GLYAT: variants seen among roughly 807,000 people sequenced by gnomAD.
GLYAT encodes the protein glycine-N-acyltransferase.
GLYAT carries 25 observed loss-of-function variants against 22.8 expected under a neutral mutation model. The ratio of observed to expected loss-of-function variants is 1.09; its 90% CI spans 0.80 to 1.53. The LOEUF (loss-of-function observed/expected upper bound fraction) is 1.53. GLYAT is among the 40% of genes most tolerant of loss of function. The pLI, the probability that GLYAT is intolerant of heterozygous loss-of-function variation, is 0.00. For missense variants in GLYAT, 411 were observed against 353.9 expected, an observed-to-expected ratio of 1.16 and a Z score of -1.29; for synonymous variants, 140 against 122.7, an observed-to-expected ratio of 1.14 and a Z score of -0.93.
At chr11:58,710,884 C>T (rs553611545) in intron 4 of GLYAT, 123 bp from the exon 5 acceptor site, 5 of 640,688 alleles carry the variant, frequency 7.8e-6, no homozygotes, top group South Asian at 7.8e-5. Context: ...TTGGTGCTAC[C>T]ACTGTGTGAC....
chr11:58,713,270 T>C (rs574273692), intron 3 of GLYAT, among the ~76,000 whole-genome samples: 9 of 152,274 alleles, frequency 5.9e-5, no homozygotes, highest in African/African-American at 1.9e-4. Flanking sequence ...TTCTGAATTC[T>C]TTAAATAATG....
chr11:58,712,730 G>A, intron 4 of GLYAT, 30 bp downstream of exon 4: 6 of 1,605,594 alleles, frequency 3.7e-6, no homozygotes, highest in Non-Finnish European at 4.3e-6. Flanking sequence ...ACATAAGTGA[G>A]TCAGCACACA....
intron 3 of GLYAT, among the ~76,000 whole-genome samples, 165 bp downstream of exon 3, chr11:58,715,151 G>T (rs956632507): frequency 6.6e-6 from 1 of 151,928 alleles, no homozygotes; most frequent in South Asian, 2.1e-4. Flanking sequence ...ACACTTTATT[G>T]GTTGATCTAT....
intron 2 of GLYAT, among the ~76,000 whole-genome samples, chr11:58,722,206 T>A (rs1262448238): frequency 1.3e-5 from 2 of 152,012 alleles, no homozygotes; most frequent in Non-Finnish European, 2.9e-5. Flanking sequence ...CAAGCACCGA[T>A]AGGAGATTTG....
intron 1 of GLYAT, among the ~76,000 whole-genome samples, chr11:58,725,457 A>C (rs997536432): frequency 6.6e-6 from 1 of 152,160 alleles, no homozygotes; most frequent in Non-Finnish European, 1.5e-5. Context: ...TAGGGCTATG[A>C]GAGAGTGTTG....
intron 1 of GLYAT, among the ~76,000 whole-genome samples, chr11:58,726,341 G>C (rs1193276424): frequency 1.3e-5 from 2 of 152,082 alleles, no homozygotes; most frequent in African/African-American, 4.8e-5. Flanking sequence ...GCTGACAGAG[G>C]GGTAGTAGTG....
chr11:58,715,480 T>A, intron 2 of GLYAT, 57 bp from the exon 3 acceptor site: 1 of 788,274 alleles, frequency 1.3e-6, no homozygotes, highest in Non-Finnish European at 2.2e-6. Context: ...CAGTAAAGTT[T>A]CTTGCTTGAT....
chr11:58,724,102 C>T (rs1856784572), intron 2 of GLYAT: 2 of 218,870 alleles, frequency 9.1e-6, no homozygotes, highest in Non-Finnish European at 1.8e-5. Context: ...TGGAAAGGAG[C>T]AAGGAAGTAA....
chr11:58,728,892 A>AAGAAAGAAAGAC, intron 1 of GLYAT, among the ~76,000 whole-genome samples: 1 of 89,198 alleles, frequency 1.1e-5, no homozygotes, highest in South Asian at 4.6e-4. Context: ...GAAAGAAAGA[A>AAGAAAGAAAGAC]GGAAGGAAGG....
chr11:58,715,494 G>A (rs183838287), intron 2 of GLYAT, 71 bp from the exon 3 acceptor site: 126 of 704,978 alleles, frequency 1.8e-4, no homozygotes, highest in Admixed American at 4.2e-4. Context: ...GCTTGATTAG[G>A]ACAAAAATTA....
intron 2 of GLYAT, among the ~76,000 whole-genome samples, chr11:58,718,842 A>G (rs570011815): frequency 6.6e-6 from 1 of 152,172 alleles, no homozygotes; most frequent in East Asian, 1.9e-4. Flanking sequence ...ACAATTGACA[A>G]GAAAATTTAT....
chr11:58,717,422 G>A (rs538468118), intron 2 of GLYAT, among the ~76,000 whole-genome samples: 1 of 151,958 alleles, frequency 6.6e-6, no homozygotes, highest in Non-Finnish European at 1.5e-5. Flanking sequence ...TTAATAGGCA[G>A]GTATGAAAGT....
In GLYAT at chr11:58,724,603, T is replaced by G. The variant is rs1000098982; in HGVS notation, c.-15-92A>C. On this transcript the variant is annotated intron_variant, in intron 1 of 5. Coordinates refer to ENST00000344743, the MANE Select transcript of GLYAT (RefSeq NM_201648.3). ...CAAGTTCTTTATTAATGACCAGGTT[T>G]TTTTTTTTTAGTGCCTTTCAACTGC... 17 of 326,300 alleles carry G rather than the reference T, an allele frequency of 5.2e-5. No homozygotes were observed. The African/African-American group carries it at 1.6e-3, about 30-fold the overall frequency. 20.2% of individuals were successfully genotyped at this position (326,300 alleles called of 1,614,324 possible).
At chr11:58,710,939 G>GACTTC (rs1856608418) in intron 4 of GLYAT, among the ~76,000 whole-genome samples, 178 bp from the exon 5 acceptor site, 2 of 152,258 alleles carry the variant, frequency 1.3e-5, no homozygotes, top group South Asian at 4.2e-4. Context: ...TCTTCAAAAA[G>GACTTC]ACTTCCCTCC....
intron 2 of GLYAT, among the ~76,000 whole-genome samples, chr11:58,718,840 C>T (rs1041436153): frequency 6.6e-6 from 1 of 151,814 alleles, no homozygotes; most frequent in African/African-American, 2.4e-5. Flanking sequence ...ATACAATTGA[C>T]AAGAAAATTT....
intron 1 of GLYAT, 83 bp from the exon 2 acceptor site, chr11:58,724,594 G>A (rs1192426959): frequency 1.9e-6 from 1 of 529,244 alleles, no homozygotes; most frequent in East Asian, 3.2e-5. Flanking sequence ...CTTTATTAAT[G>A]ACCAGGTTTT....
At chr11:58,724,829 C>T (rs187752751) in intron 1 of GLYAT, among the ~76,000 whole-genome samples, 26 of 152,136 alleles carry the variant, frequency 1.7e-4, no homozygotes, top group Non-Finnish European at 2.5e-4. Context: ...CCTCTGAGAA[C>T]GAGCTGTGTA....
At chr11:58,712,555 T>C (rs1298051833) in intron 4 of GLYAT, among the ~76,000 whole-genome samples, 1 of 152,152 alleles carries the variant, frequency 6.6e-6, no homozygotes. Flanking sequence ...GGAATTATAC[T>C]ATAGTTCCCT....
chr11:58,731,574 A>G (rs1200219075), intron 1 of GLYAT, among the ~76,000 whole-genome samples: 1 of 152,196 alleles, frequency 6.6e-6, no homozygotes, highest in Non-Finnish European at 1.5e-5. Flanking sequence ...TTTATTGTGG[A>G]TATTTAAAGT....
Sources: gnomAD v4.1 joint callset for allele counts (sites outside exome capture counted in the v4.1 genomes callset) on GRCh38, gnomAD v4.1.1 for gene constraint, MANE v1.5 for transcripts, NCBI Gene and HGNC (gene_info 2026-07-23, HGNC 2026-07-21) for gene names.